SORL1: variants seen among roughly 807,000 people sequenced by gnomAD.
SORL1 encodes sortilin-related receptor.
A neutral mutation model predicts 273.7 loss-of-function variants in SORL1; 127 were observed. That is an observed-to-expected ratio of 0.46 (90% CI 0.40 to 0.54). The LOEUF (loss-of-function observed/expected upper bound fraction) is 0.54, where lower values mean the gene tolerates loss of function less well. SORL1 is among the 20% of genes least tolerant of loss of function. The pLI, the probability that SORL1 is intolerant of heterozygous loss-of-function variation, is 0.00. For missense variants in SORL1, 2,494 were observed against 2,846.1 expected, an observed-to-expected ratio of 0.88 and a Z score of 2.81; for synonymous variants, 1,031 against 1,067.4, an observed-to-expected ratio of 0.97 and a Z score of 0.66.
chr11:121,597,545 T>G (rs900543176), intron 32 of SORL1, among the ~76,000 whole-genome samples: 2 of 152,154 alleles, frequency 1.3e-5, no homozygotes, highest in African/African-American at 4.8e-5. Flanking sequence ...CACTGCAGCT[T>G]CCGCCTTTCG....
At chr11:121,545,193 C>G in intron 13 of SORL1, 50 bp from the exon 14 acceptor site, 1 of 1,586,518 alleles carries the variant, frequency 6.3e-7, no homozygotes, top group Non-Finnish European at 8.6e-7. Context: ...AGCAGGAAAC[C>G]CTACATGGGC....
rs1197017812 is a variant in SORL1 at position 121,549,876 on chromosome 11, G to A, written c.2052-84G>A. ...TAACTTATAATAAAAGTGAAAAGTA[G>A]TAAGGTAAAGTCAGCAGAATTGGTA... On this transcript the variant is annotated intron_variant, in intron 14 of 47. Transcript: ENST00000260197. 3 of 1,235,312 alleles carry A rather than the reference G, an allele frequency of 2.4e-6. No individual in the cohort carries two copies. The African/African-American group carries it at 4.5e-5, about 19-fold the overall frequency. The allele number at this position is 1,235,312 out of a possible 1,614,324, so 76.5% of individuals were successfully genotyped here.
At chr11:121,619,301 CAT>C (rs757864550) in intron 42 of SORL1, among the ~76,000 whole-genome samples, 5 of 152,174 alleles carry the variant, frequency 3.3e-5, no homozygotes, top group Non-Finnish European at 7.3e-5. Flanking sequence ...ACTGGTTAAA[CAT>C]ATCATGGTTT....
At chr11:121,528,332 A>G (rs1862154057) in intron 11 of SORL1, among the ~76,000 whole-genome samples, 1 of 152,034 alleles carries the variant, frequency 6.6e-6, no homozygotes, top group Admixed American at 6.6e-5. Flanking sequence ...AACTGGGCAT[A>G]CCTGTGATCC....
chr11:121,593,018 T>G (rs1271225211), intron 31 of SORL1, among the ~76,000 whole-genome samples: 2 of 152,224 alleles, frequency 1.3e-5, no homozygotes, highest in African/African-American at 4.8e-5. Flanking sequence ...CTTCTTTGTT[T>G]AGTGTAGAAG....
intron 3 of SORL1, among the ~76,000 whole-genome samples, chr11:121,487,383 T>G (rs1300054449): frequency 6.6e-6 from 1 of 152,156 alleles, no homozygotes; most frequent in Non-Finnish European, 1.5e-5. Flanking sequence ...TTGTTCAGAT[T>G]CACTCATCCA....
intron 14 of SORL1, among the ~76,000 whole-genome samples, chr11:121,548,992 A>T (rs1862470576): frequency 6.6e-6 from 1 of 152,214 alleles, no homozygotes; most frequent in African/African-American, 2.4e-5. Flanking sequence ...TAGAATTTAC[A>T]GGTTTGGAAG....
chr11:121,574,207 C>T, intron 23 of SORL1, 34 bp from the exon 24 acceptor site: 3 of 1,608,936 alleles, frequency 1.9e-6, no homozygotes, highest in Non-Finnish European at 2.6e-6. Context: ...TCAATTGTAC[C>T]TAAGGAATAT....
intron 45 of SORL1, among the ~76,000 whole-genome samples, chr11:121,623,209 T>G (rs1006734871): frequency 1.3e-4 from 20 of 152,210 alleles, no homozygotes; most frequent in African/African-American, 4.3e-4. Flanking sequence ...GGAGAAAAGT[T>G]CAACCTCACC....
At chr11:121,598,047 G>C (rs2134911766) in intron 32 of SORL1, among the ~76,000 whole-genome samples, 1 of 152,324 alleles carries the variant, frequency 6.6e-6, no homozygotes, top group South Asian at 2.1e-4. Context: ...GTGGGACAAA[G>C]GTGAGTGCAG....
Position 121,563,359 on chromosome 11 carries a change from A to C in SORL1, c.3050-3581A>C, listed in dbSNP as rs1473467197. Among the ~76,000 whole-genome samples, 2 of 152,144 alleles carry C rather than the reference A, an allele frequency of 1.3e-5. No individual in the cohort carries two copies. Among genetic ancestry groups the C allele is most frequent in the Non-Finnish European group, 2.9e-5 (2 of 68,024 alleles). ...CAGTTGCAACATTTATCAATTTGAA[A>C]TATTTGGTCCTTTATAGCTAGCTGG... On this transcript the variant is annotated intron_variant, in intron 21 of 47. Transcript: ENST00000260197. This position sits in a 1 kb window ranked among gnomAD's most constrained non-coding sequence, Gnocchi z 4.2.
Position 121,607,189 on chromosome 11 carries a change from G to A in SORL1, c.5065G>A (p.Glu1689Lys). ...THGLIREYIV[E>K]YSRSGSKMWA... The stretch of plus-strand genomic sequence containing the variant: ...ATTTTTTTTCTTCTCCCTTTAGGTA[G>A]AATACAGCAGGAGTGGTTCCAAGAT... Residue 1689 changes from glutamate (E) to lysine (K), a missense_variant, in exon 37 of 48, where the codon GAA becomes AAA. By Grantham distance (56) the Glu-to-Lys change is moderately conservative (BLOSUM62 1). Around this residue, in one of 3 missense-constraint regions of SORL1, gnomAD observed 1,609 missense variants for 1,816.4 expected, o/e 0.89. Transcript: ENST00000260197. 1 of 1,594,836 alleles carries A rather than the reference G, an allele frequency of 6.3e-7. No homozygotes were observed. Among genetic ancestry groups the A allele is most frequent in the Non-Finnish European group, 8.6e-7 (1 of 1,162,496 alleles).
chr11:121,514,164 G>T lies in SORL1; in HGVS notation c.1054G>T (p.Ala352Ser), dbSNP rs772202653. Residue 352 changes from alanine to serine, a missense_variant, in exon 8 of 48, where the codon GCA becomes TCA. Ala to Ser is a moderately conservative substitution (Grantham distance 99). Coordinates refer to ENST00000260197, the MANE Select transcript of SORL1 (RefSeq NM_003105.6). ...TTTGATTCCAAAGGAATATTACATC[G>T]CAGATGCCTCCGAGGACCAGGTGTT... ...TRHPINEYYI[A>S]DASEDQVFVC... 6.2e-7 allele frequency: 1 copy of T among 1,612,856 alleles called. No individual in the cohort carries two copies.
chr11:121,523,521 T>C (rs893476517), intron 11 of SORL1, among the ~76,000 whole-genome samples: 2 of 152,132 alleles, frequency 1.3e-5, no homozygotes, highest in African/African-American at 4.8e-5. Flanking sequence ...ATATCGATGC[T>C]GATTATACCA....
At chr11:121,469,920 C>G in intron 1 of SORL1, 87 bp from the exon 2 acceptor site, 1 of 965,638 alleles carries the variant, frequency 1.0e-6, no homozygotes, top group Non-Finnish European at 1.7e-6. Flanking sequence ...ATCATTTCTG[C>G]TTGACAAAGG....
chr11:121,622,953 A>C (rs979638688), intron 45 of SORL1, among the ~76,000 whole-genome samples: 1 of 152,260 alleles, frequency 6.6e-6, no homozygotes, highest in Non-Finnish European at 1.5e-5. Context: ...CTGGAGATGC[A>C]GCATAGGCAA....
At chr11:121,518,413 AG>A (rs901575148) in intron 8 of SORL1, among the ~76,000 whole-genome samples, 1 of 152,154 alleles carries the variant, frequency 6.6e-6, no homozygotes, top group African/African-American at 2.4e-5. Flanking sequence ...GGAGCATGTG[AG>A]GTACAGGAAG....
intron 1 of SORL1, among the ~76,000 whole-genome samples, chr11:121,465,429 C>CAT (rs1861067288): frequency 6.6e-6 from 1 of 152,190 alleles, no homozygotes; most frequent in Admixed American, 6.5e-5. Context: ...TTTCTAGCTA[C>CAT]CGTCATTTAG....
At chr11:121,496,071 T>C (rs1861624659) in intron 5 of SORL1, among the ~76,000 whole-genome samples, 1 of 152,150 alleles carries the variant, frequency 6.6e-6, no homozygotes, top group Admixed American at 6.5e-5. Flanking sequence ...AGGCTTGGAA[T>C]TGGATGCTGC....
Sources: allele counts gnomAD v4.1 joint callset (sites outside exome capture counted in the v4.1 genomes callset), GRCh38; gene constraint gnomAD v4.1.1; regional missense constraint gnomAD v4.1.1; non-coding constraint Gnocchi (gnomAD v3.1); transcripts MANE v1.5; gene names NCBI Gene and HGNC (gene_info 2026-07-23, HGNC 2026-07-21).